The following BAZ2B variants were observed in gnomAD, a reference collection of about 807,000 sequenced individuals.
BAZ2B encodes the protein bromodomain adjacent to zinc finger domain protein 2B.
Under a neutral mutation model 246.0 loss-of-function variants are expected in BAZ2B, and 91 were observed. The ratio of observed to expected loss-of-function variants is 0.37; its 90% CI spans 0.31 to 0.44. The LOEUF (loss-of-function observed/expected upper bound fraction) is 0.44. Among genes scored for constraint, BAZ2B ranks in the 20% least tolerant of loss-of-function variants. The probability of loss-of-function intolerance (pLI) is 1.00; values close to 1 mark genes in which losing one functional copy is unlikely to be tolerated. For missense variants in BAZ2B, 2,332 were observed against 2,533.7 expected (o/e 0.92, Z 1.71); for synonymous variants, 855 against 860.0 (o/e 0.99, Z 0.10).
intron 1 of BAZ2B, among the ~76,000 whole-genome samples, chr2:159,560,572 CTTT>C (rs768908340): frequency 1.4e-5 from 2 of 143,118 alleles, no homozygotes; most frequent in African/African-American, 2.5e-5. Context: ...TATAAAGCAA[CTTT>C]TTTTTTTTTT....
At chr2:159,344,239 G>A (rs2067326391) in intron 31 of BAZ2B, among the ~76,000 whole-genome samples, 3 of 151,682 alleles carry the variant, frequency 2.0e-5, no homozygotes, top group Admixed American at 1.3e-4. Context: ...GAAAATTGTC[G>A]TATTGAAAAG....
chr2:159,585,474 T>A (rs769314477), intron 1 of BAZ2B, among the ~76,000 whole-genome samples: 49 of 152,244 alleles, frequency 3.2e-4, no homozygotes, highest in Admixed American at 7.9e-4. Flanking sequence ...ATGTTTACAT[T>A]TATATGCATA....
chr2:159,607,586 T>G (rs1167318778), intron 1 of BAZ2B, among the ~76,000 whole-genome samples: 1 of 152,206 alleles, frequency 6.6e-6, no homozygotes, highest in Non-Finnish European at 1.5e-5. Flanking sequence ...CATGACATTT[T>G]CTTTTCCTTC....
intron 1 of BAZ2B, among the ~76,000 whole-genome samples, chr2:159,586,717 A>G (rs1266361032): frequency 1.3e-5 from 2 of 152,280 alleles, no homozygotes; most frequent in Admixed American, 6.5e-5. Context: ...TAAAAATAAT[A>G]TAAAACATTT....
intron 16 of BAZ2B, among the ~76,000 whole-genome samples, chr2:159,403,209 G>T (rs1352510803): frequency 6.6e-6 from 1 of 152,136 alleles, no homozygotes; most frequent in Non-Finnish European, 1.5e-5. Flanking sequence ...ATAACAGAGA[G>T]TATGAGTAGA....
At chr2:159,377,826 A>AAAAAAAAAAAC in intron 25 of BAZ2B, among the ~76,000 whole-genome samples, 1 of 151,530 alleles carries the variant, frequency 6.6e-6, no homozygotes, top group Non-Finnish European at 1.5e-5. Flanking sequence ...AAAAAAAAAA[A>AAAAAAAAAAAC]AAAAGAAGTG....
At chr2:159,638,885 A>T in the BAZ2B span, among the ~76,000 whole-genome samples, 1 of 152,196 alleles carries the variant, frequency 6.6e-6, no homozygotes, top group East Asian at 1.9e-4. Context: ...TCAACATTCA[A>T]GTACAAGAAG....
chr2:159,682,306 CAGTGGCTGGG>C, the BAZ2B span, among the ~76,000 whole-genome samples: 1 of 151,784 alleles, frequency 6.6e-6, no homozygotes, highest in South Asian at 2.1e-4. Context: ...TCAGCCTCCC[CAGTGGCTGGG>C]ACTACAGGCA....
intron 1 of BAZ2B, among the ~76,000 whole-genome samples, chr2:159,574,767 C>T (rs1404860399): frequency 3.3e-5 from 5 of 151,940 alleles, no homozygotes; most frequent in Non-Finnish European, 5.9e-5. Context: ...AGGTGGATGA[C>T]GAGGTCAAAA....
At chr2:159,411,546 A>G (rs969502243) in intron 14 of BAZ2B, among the ~76,000 whole-genome samples, 2 of 152,188 alleles carry the variant, frequency 1.3e-5, no homozygotes, top group African/African-American at 4.8e-5. Context: ...ACATTGTTAC[A>G]TATCTTTATA....
intron 18 of BAZ2B, chr2:159,398,079 A>G (rs1474098181): frequency 6.6e-6 from 1 of 152,228 alleles, no homozygotes; most frequent in Non-Finnish European, 1.5e-5. Context: ...TTTAAAAAAT[A>G]AAGTAAGACA....
intron 1 of BAZ2B, among the ~76,000 whole-genome samples, chr2:159,570,012 T>A (rs35682532): frequency 0.062 from 9,495 of 152,230 alleles, 391 homozygotes; most frequent in Middle Eastern, 0.14. Context: ...AATATACATG[T>A]GTTAAACTAA....
In BAZ2B at chr2:159,337,581, C is replaced by G; in HGVS notation, c.5646G>C (p.Arg1882=). ...TCTTCAGATACCTTCTTTCAATGTT[C>G]CGCTCCAAATCAGCCAGCCTGGTTA... ...IAVTRLADLE[R]NIERRIEEDI... Residue 1882 remains arginine (R), a synonymous_variant, in exon 32 of 37, where the codon CGG becomes CGC. Coordinates refer to ENST00000392783, the MANE Select transcript of BAZ2B (RefSeq NM_013450.4). The G allele has an allele frequency of 6.2e-7, 1 of 1,614,174 alleles. No individual in the cohort carries two copies. Among genetic ancestry groups the G allele is most frequent in the Non-Finnish European group, 8.5e-7 (1 of 1,180,006 alleles).
At chr2:159,587,254 G>A (rs181008635) in intron 1 of BAZ2B, among the ~76,000 whole-genome samples, 1 of 151,822 alleles carries the variant, frequency 6.6e-6, no homozygotes, top group African/African-American at 2.4e-5. Flanking sequence ...AATTTTTTTT[G>A]TATTTTTAGT....
Position 159,498,410 on chromosome 2 carries a change from G to A in BAZ2B, c.-2-19689C>T, listed in dbSNP as rs560620368. Among the ~76,000 whole-genome samples the A allele has an allele frequency of 2.4e-4, 37 of 152,162 alleles. 1 individual carries two copies. Among genetic ancestry groups the A allele is most frequent in the Admixed American group, 6.5e-4 (10 of 15,274 alleles). On this transcript the variant is annotated intron_variant, in intron 2 of 36. Coordinates refer to ENST00000392783, the MANE Select transcript of BAZ2B (RefSeq NM_013450.4). Reference sequence around the variant, plus strand: ...AAAGAGGTGTTCAAGAGTATATTAGGCGATCCCCTGTCAATCTAGCTTTCA... The same window carrying A: ...AAAGAGGTGTTCAAGAGTATATTAGACGATCCCCTGTCAATCTAGCTTTCA...
chr2:159,499,075 G>A (rs1388819206), intron 2 of BAZ2B, among the ~76,000 whole-genome samples: 1 of 151,968 alleles, frequency 6.6e-6, no homozygotes, highest in African/African-American at 2.4e-5. Context: ...TTGTTATACA[G>A]GTAAACACGT....
At chr2:159,422,164 T>C (rs1372815426) in intron 13 of BAZ2B, among the ~76,000 whole-genome samples, 1 of 152,130 alleles carries the variant, frequency 6.6e-6, no homozygotes, top group Non-Finnish European at 1.5e-5. Flanking sequence ...AATGGCCATA[T>C]TGCCCAAAGT....
chr2:159,566,709 A>C (rs955923913), intron 1 of BAZ2B, among the ~76,000 whole-genome samples: 1 of 152,242 alleles, frequency 6.6e-6, no homozygotes, highest in Non-Finnish European at 1.5e-5. Context: ...TATAAAGACT[A>C]CTAATTACGT....
At chr2:159,599,351 G>C (rs2151750069) in intron 1 of BAZ2B, among the ~76,000 whole-genome samples, 1 of 152,234 alleles carries the variant, frequency 6.6e-6, no homozygotes, top group Admixed American at 6.5e-5. Flanking sequence ...GAGCGCGGTG[G>C]CTCAAGCCTG....
Sources: allele counts gnomAD v4.1 joint callset (sites outside exome capture counted in the v4.1 genomes callset), GRCh38; gene constraint gnomAD v4.1.1; transcripts MANE v1.5; gene names NCBI Gene and HGNC (gene_info 2026-07-23, HGNC 2026-07-21).